The following REDIC1 variants were observed in gnomAD, a reference collection of about 807,000 sequenced individuals.
The protein encoded by REDIC1 is regulator of DNA class I crossover intermediates 1.
chr12:39,803,964 A>T, the REDIC1 span, among the ~76,000 whole-genome samples: 2 of 152,170 alleles, frequency 1.3e-5, no homozygotes, highest in Non-Finnish European at 2.9e-5. Context: ...TAAAAAAACA[A>T]CAGGGCTCAA....
chr12:39,899,094 G>C, the REDIC1 span, among the ~76,000 whole-genome samples: 1 of 152,062 alleles, frequency 6.6e-6, no homozygotes, highest in Non-Finnish European at 1.5e-5. Context: ...GAATTCGGCT[G>C]TGAATCCATC....
chr12:39,852,342 C>A, the REDIC1 span, among the ~76,000 whole-genome samples: 1 of 152,210 alleles, frequency 6.6e-6, no homozygotes, highest in Non-Finnish European at 1.5e-5. Flanking sequence ...TGACTGTAAT[C>A]AGTTGTAAGA....
the REDIC1 span, chr12:39,650,264 C>G: frequency 6.2e-7 from 1 of 1,609,622 alleles, no homozygotes; most frequent in Non-Finnish European, 8.5e-7. The surrounding 1 kb of genome is among the most constrained non-coding windows in gnomAD (Gnocchi z 4.3). Flanking sequence ...TGTTCTGATT[C>G]CTTGCTTTCC....
At chr12:39,672,395 G>C in the REDIC1 span, among the ~76,000 whole-genome samples, 6 of 152,136 alleles carry the variant, frequency 3.9e-5, no homozygotes, top group Non-Finnish European at 8.8e-5. Flanking sequence ...GCATGCAAGT[G>C]TGAGGTGGCT....
At chr12:39,907,481 G>A in the REDIC1 span, among the ~76,000 whole-genome samples, 3 of 152,022 alleles carry the variant, frequency 2.0e-5, no homozygotes, top group African/African-American at 4.8e-5. Flanking sequence ...CAGTGCCCTA[G>A]GATTCCTACA....
At chr12:39,693,462 TA>T in the REDIC1 span, among the ~76,000 whole-genome samples, 23 of 151,878 alleles carry the variant, frequency 1.5e-4, no homozygotes, top group Admixed American at 1.1e-3. Flanking sequence ...AGTCCATTTT[TA>T]AAAAAATAAA....
chr12:39,695,284 C>T, the REDIC1 span, among the ~76,000 whole-genome samples: 2 of 152,268 alleles, frequency 1.3e-5, no homozygotes, highest in African/African-American at 2.4e-5. Context: ...GGGTAGAATA[C>T]CAAGTAGGCT....
At chr12:39,896,077 C>A in the REDIC1 span, among the ~76,000 whole-genome samples, 1 of 14,240 alleles carries the variant, frequency 7.0e-5, no homozygotes, top group African/African-American at 2.0e-4. Context: ...TATGTATACA[C>A]GTGTACATAT....
chr12:39,893,803 T>A, the REDIC1 span, among the ~76,000 whole-genome samples: 1 of 152,258 alleles, frequency 6.6e-6, no homozygotes, highest in African/African-American at 2.4e-5. Flanking sequence ...CAATTTACTT[T>A]AAGCCCACAA....
At chr12:39,793,849 C>A in the REDIC1 span, among the ~76,000 whole-genome samples, 2 of 152,054 alleles carry the variant, frequency 1.3e-5, no homozygotes, top group Non-Finnish European at 2.9e-5. Context: ...AGAACATTAT[C>A]TTGAACAGAA....
chr12:39,627,141 G>A, the REDIC1 span, among the ~76,000 whole-genome samples: 1 of 152,130 alleles, frequency 6.6e-6, no homozygotes, highest in Admixed American at 6.5e-5. Flanking sequence ...ATTATAATGC[G>A]TTTGAATTCT....
chr12:39,836,419 A>C, the REDIC1 span, among the ~76,000 whole-genome samples: 1 of 152,188 alleles, frequency 6.6e-6, no homozygotes, highest in Non-Finnish European at 1.5e-5. Context: ...GAAAGGGAGA[A>C]AATCGGCATA....
the REDIC1 span, chr12:39,721,040 ATAAC>A: frequency 6.2e-7 from 1 of 1,613,816 alleles, no homozygotes; most frequent in African/African-American, 1.3e-5. Context: ...AAAACCAATG[ATAAC>A]TGCGTTCTGC....
chr12:39,816,584 A>T, the REDIC1 span, among the ~76,000 whole-genome samples: 486 of 150,378 alleles, frequency 3.2e-3, 2 homozygotes, highest in African/African-American at 0.011. Context: ...AAAGTATAAT[A>T]AAAAAAAAGA....
chr12:39,838,993 G>C, the REDIC1 span, among the ~76,000 whole-genome samples: 1 of 152,128 alleles, frequency 6.6e-6, no homozygotes, highest in South Asian at 2.1e-4. Flanking sequence ...ATGGCCACAG[G>C]TCCAATTTCA....
chr12:39,725,617 C>T, the REDIC1 span, among the ~76,000 whole-genome samples: 1 of 152,024 alleles, frequency 6.6e-6, no homozygotes, highest in African/African-American at 2.4e-5. Flanking sequence ...TCATTTCCTT[C>T]AAAAGGCTAT....
chr12:39,895,539 TATATATATATATAC>T, the REDIC1 span, among the ~76,000 whole-genome samples: 10 of 95,450 alleles, frequency 1.0e-4, 1 homozygote, highest in Non-Finnish European at 2.2e-4. Flanking sequence ...TATATATATA[TATATATATATATAC>T]ACACACACAC....
the REDIC1 span, among the ~76,000 whole-genome samples, chr12:39,866,761 G>C: frequency 6.6e-6 from 1 of 152,212 alleles, no homozygotes; most frequent in African/African-American, 2.4e-5. Context: ...TTACAGGCGT[G>C]AGCCACAGCG....
chr12:39,675,560 C>T, the REDIC1 span, among the ~76,000 whole-genome samples: 3 of 152,240 alleles, frequency 2.0e-5, no homozygotes, highest in Non-Finnish European at 4.4e-5. Context: ...GAGAAAACAA[C>T]AGCTAATTCT....
Sources: gnomAD v4.1 joint callset for allele counts (sites outside exome capture counted in the v4.1 genomes callset) on GRCh38, gnomAD v4.1.1 for gene constraint, Gnocchi (gnomAD v3.1) non-coding constraint, MANE v1.5 for transcripts, NCBI Gene and HGNC (gene_info 2026-07-23, HGNC 2026-07-21) for gene names.